ABTB3: variants seen among roughly 807,000 people sequenced by gnomAD.
ABTB3 encodes the protein ankyrin repeat- and BTB/POZ domain-containing protein 3.
chr12:107,401,125 A>G, the ABTB3 span, among the ~76,000 whole-genome samples: 1 of 152,214 alleles, frequency 6.6e-6, no homozygotes, highest in African/African-American at 2.4e-5. Flanking sequence ...GAGACAAATG[A>G]GGTGGCTGTC....
At chr12:107,352,122 C>G in the ABTB3 span, among the ~76,000 whole-genome samples, 1 of 152,102 alleles carries the variant, frequency 6.6e-6, no homozygotes, top group Non-Finnish European at 1.5e-5. Flanking sequence ...GAGAGATACC[C>G]CAGTCAACAG....
chr12:107,575,742 C>A, the ABTB3 span, among the ~76,000 whole-genome samples: 2 of 152,142 alleles, frequency 1.3e-5, no homozygotes, highest in Non-Finnish European at 2.9e-5. Context: ...TTGATAAAGA[C>A]CCTTGTGATT....
chr12:107,533,949 A>G, the ABTB3 span, among the ~76,000 whole-genome samples: 1 of 152,252 alleles, frequency 6.6e-6, no homozygotes, highest in African/African-American at 2.4e-5. Context: ...AAAGGAATAA[A>G]ACTAGAAGTC....
chr12:107,341,540 G>C, the ABTB3 span, among the ~76,000 whole-genome samples: 2 of 152,206 alleles, frequency 1.3e-5, no homozygotes. Context: ...ACTTAATAGT[G>C]ACCCCTTTGT....
At chr12:107,500,549 T>C in the ABTB3 span, among the ~76,000 whole-genome samples, 5 of 152,348 alleles carry the variant, frequency 3.3e-5, no homozygotes, top group South Asian at 1.0e-3. Context: ...AGTGTGACCT[T>C]GGACAAGTCA....
chr12:107,568,957 C>T, the ABTB3 span, among the ~76,000 whole-genome samples: 1 of 152,172 alleles, frequency 6.6e-6, no homozygotes, highest in South Asian at 2.1e-4. Flanking sequence ...ATCAGCTAAG[C>T]CTGTGTTTTC....
At chr12:107,365,612 T>C in the ABTB3 span, among the ~76,000 whole-genome samples, 1 of 152,134 alleles carries the variant, frequency 6.6e-6, no homozygotes, top group Non-Finnish European at 1.5e-5. Context: ...GCAGTAAATG[T>C]CATTTGCTAT....
the ABTB3 span, among the ~76,000 whole-genome samples, chr12:107,400,545 C>G: frequency 1.3e-5 from 2 of 152,062 alleles, no homozygotes; most frequent in African/African-American, 4.8e-5. Flanking sequence ...TTGAATTTCG[C>G]CTTTTCTAGC....
At chr12:107,512,014 A>G in the ABTB3 span, among the ~76,000 whole-genome samples, 1 of 152,192 alleles carries the variant, frequency 6.6e-6, no homozygotes, top group African/African-American at 2.4e-5. Flanking sequence ...TCTGAAGACC[A>G]GTAAGTACCC....
At chr12:107,422,710 G>A in the ABTB3 span, among the ~76,000 whole-genome samples, 1 of 152,196 alleles carries the variant, frequency 6.6e-6, no homozygotes, top group East Asian at 1.9e-4. Context: ...CCTCTTTTGT[G>A]CAAAGCACTA....
the ABTB3 span, among the ~76,000 whole-genome samples, chr12:107,399,155 G>A: frequency 6.6e-6 from 1 of 152,196 alleles, no homozygotes; most frequent in African/African-American, 2.4e-5. Flanking sequence ...TAGGTGGCTT[G>A]TGTGTTTAAG....
chr12:107,589,778 G>A, the ABTB3 span, among the ~76,000 whole-genome samples: 1 of 152,238 alleles, frequency 6.6e-6, no homozygotes, highest in East Asian at 1.9e-4. Context: ...GCAGAAATAA[G>A]TTGCCTTGAT....
chr12:107,436,670 G>A, the ABTB3 span, among the ~76,000 whole-genome samples: 1 of 152,206 alleles, frequency 6.6e-6, no homozygotes, highest in African/African-American at 2.4e-5. Flanking sequence ...GCCCTTGTGG[G>A]CACAGTATCC....
chr12:107,548,639 C>T, the ABTB3 span, among the ~76,000 whole-genome samples: 1 of 152,164 alleles, frequency 6.6e-6, no homozygotes, highest in East Asian at 1.9e-4. Context: ...TCAGTTACCT[C>T]AGATATTTTT....
At chr12:107,421,456 C>T in the ABTB3 span, among the ~76,000 whole-genome samples, 3 of 152,070 alleles carry the variant, frequency 2.0e-5, no homozygotes, top group African/African-American at 4.8e-5. Context: ...TCTTTAATGA[C>T]GAGAAAGAGA....
At chr12:107,392,295 T>C in the ABTB3 span, among the ~76,000 whole-genome samples, 3 of 152,300 alleles carry the variant, frequency 2.0e-5, no homozygotes, top group Non-Finnish European at 4.4e-5. Flanking sequence ...TAGAGCCCAG[T>C]GCTTTTGTGT....
chr12:107,459,806 G>T, the ABTB3 span, among the ~76,000 whole-genome samples: 1 of 152,236 alleles, frequency 6.6e-6, no homozygotes, highest in African/African-American at 2.4e-5. Context: ...CCTCTGTGGG[G>T]CAGCCCTGTG....
At chr12:107,411,416 C>T in the ABTB3 span, among the ~76,000 whole-genome samples, 3 of 152,244 alleles carry the variant, frequency 2.0e-5, no homozygotes, top group Admixed American at 6.5e-5. Flanking sequence ...ATACTTACCT[C>T]GCTGGGGTAT....
At chr12:107,651,136 C>A in the ABTB3 span, among the ~76,000 whole-genome samples, 1 of 151,964 alleles carries the variant, frequency 6.6e-6, no homozygotes, top group African/African-American at 2.4e-5. Context: ...TGCTCAGGGC[C>A]AGGTTACAGC....
Sources: gnomAD v4.1 joint callset for allele counts (sites outside exome capture counted in the v4.1 genomes callset) on GRCh38, gnomAD v4.1.1 for gene constraint, MANE v1.5 for transcripts, NCBI Gene and HGNC (gene_info 2026-07-23, HGNC 2026-07-21) for gene names.